Variants in YBX3 observed in about 807,000 individuals in gnomAD.
YBX3 encodes the protein Y-box-binding protein 3.
Under a neutral mutation model 42.4 loss-of-function variants are expected in YBX3, and 29 were observed. That is an observed-to-expected ratio of 0.68 (90% CI 0.51 to 0.93). The LOEUF (loss-of-function observed/expected upper bound fraction) is 0.93, where lower values mean the gene tolerates loss of function less well. YBX3 is among the 40% of genes least tolerant of loss of function. The pLI is 0.00. For missense variants in YBX3, 517 were observed against 527.5 expected (o/e 0.98, Z 0.19); for synonymous variants, 195 against 189.8 (o/e 1.03, Z -0.22).
chr12:10,711,737 A>C (rs1948202869), intron 5 of YBX3: 2 of 152,248 alleles, frequency 1.3e-5, no homozygotes, highest in Non-Finnish European at 2.9e-5. Flanking sequence ...TAAGAGTTTT[A>C]ACAATTTTGT....
At chr12:10,704,782 T>C (rs1366455536) in intron 6 of YBX3, among the ~76,000 whole-genome samples, 1 of 152,208 alleles carries the variant, frequency 6.6e-6, no homozygotes, top group Non-Finnish European at 1.5e-5. Context: ...CCTGGGTAAG[T>C]GGTCCAAGTT....
At chr12:10,709,522 A>T (rs893688283) in intron 6 of YBX3, among the ~76,000 whole-genome samples, 1 of 152,216 alleles carries the variant, frequency 6.6e-6, no homozygotes, top group Non-Finnish European at 1.5e-5. Context: ...CACTTAATGG[A>T]TGAACTTAAT....
intron 6 of YBX3, among the ~76,000 whole-genome samples, chr12:10,704,929 C>T (rs1053487625): frequency 3.9e-5 from 6 of 152,166 alleles, no homozygotes; most frequent in Non-Finnish European, 8.8e-5. Flanking sequence ...CCATCCTTTT[C>T]AATTTTTTAA....
At chr12:10,710,815 C>G in intron 5 of YBX3, 1 of 189,046 alleles carries the variant, frequency 5.3e-6, no homozygotes, top group Non-Finnish European at 1.1e-5. Context: ...CAATACCACT[C>G]TTTTCAATTT....
chr12:10,723,008 G>A lies in YBX3; in HGVS notation c.104C>T (p.Pro35Leu), dbSNP rs1948350864. 4.1e-6 allele frequency: 5 copies of A among 1,208,168 alleles called. No individual in the cohort carries two copies. Among genetic ancestry groups the A allele is most frequent in the East Asian group, 3.5e-5 (1 of 28,770 alleles). The allele number at this position is 1,208,168 out of a possible 1,614,324, so 74.8% of individuals were successfully genotyped here. Residue 35 changes from proline to leucine, a missense_variant, in exon 1 of 10, where the codon CCG becomes CTG. By Grantham distance (98) the Pro-to-Leu change is moderately conservative (BLOSUM62 -3). This residue lies in a region of YBX3 where 86 missense variants were observed against 82.5 expected (regional missense o/e 1.04). Transcript: ENST00000228251. ...GGCCTGGGGCGCACCGCTGCCCACC[G>A]GGCTCTTGGGCGCGGGGTCCTGGGG... ...AAPQDPAPKS[P>L]VGSGAPQAAA...
intron 4 of YBX3, among the ~76,000 whole-genome samples, 179 bp downstream of exon 4, chr12:10,715,515 C>T (rs1948250732): frequency 6.6e-6 from 1 of 151,898 alleles, no homozygotes; most frequent in Admixed American, 6.6e-5. Context: ...CACTGCACTC[C>T]AGCCTGGGCA....
rs141247612 is a variant in YBX3, at chr12:10,712,042, G to C, written c.573+1169C>G. The stretch of plus-strand genomic sequence containing the variant: ...TAAGCAAAAACAAAGAAACAAGTGG[G>C]AAGTCCTAAGGAATCTGACAGAATT... On this transcript the variant is annotated intron_variant, in intron 5 of 9. Coordinates refer to ENST00000228251, the MANE Select transcript of YBX3 (RefSeq NM_003651.5). The C allele has an allele frequency of 1.5e-3, 221 of 152,306 alleles. 1 individual carries two copies. Among genetic ancestry groups the C allele is most frequent in the African/African-American group, 5.1e-3 (213 of 41,558 alleles). The allele number at this position is 152,306 out of a possible 1,614,324, so 9.4% of individuals were successfully genotyped here.
At chr12:10,710,616 T>A (rs771782894) in intron 5 of YBX3, 47 of 1,245,552 alleles carry the variant, frequency 3.8e-5, no homozygotes, top group Admixed American at 2.2e-4. Flanking sequence ...GTCAGCGAGG[T>A]CAAACTATTG....
intron 6 of YBX3, among the ~76,000 whole-genome samples, chr12:10,709,292 T>C (rs1948171751): frequency 6.6e-6 from 1 of 152,204 alleles, no homozygotes; most frequent in African/African-American, 2.4e-5. Flanking sequence ...TAAGGTTTAT[T>C]AAGCACAAAA....
rs775777143 is a variant in YBX3, at chr12:10,701,263, G to C, written c.*25C>G. Reference sequence around the variant, plus strand: ...CTGCCCCAGCTCTTACCTGCCGATGGTGAAGGTGCCTGAGGAGCCTGGTGT... The same window carrying C: ...CTGCCCCAGCTCTTACCTGCCGATGCTGAAGGTGCCTGAGGAGCCTGGTGT... On this transcript the variant is annotated 3_prime_UTR_variant, in exon 9 of 10. Coordinates refer to ENST00000228251, the MANE Select transcript of YBX3 (RefSeq NM_003651.5). 2.6e-6 allele frequency: 2 copies of C among 779,082 alleles called. No homozygotes were observed. The highest frequency in any genetic ancestry group is 4.8e-6 in the Non-Finnish European group (2 of 417,848). The allele number at this position is 779,082 out of a possible 1,614,324, so 48.3% of individuals were successfully genotyped here.
Position 10,722,908 on chromosome 12 carries a change from C to G in YBX3, c.204G>C (p.Ala68=), listed in dbSNP as rs1591586844. 5.6e-6 allele frequency: 8 copies of G among 1,432,310 alleles called. No homozygotes were observed. The African/African-American group carries it at 5.9e-5, about 11-fold the overall frequency. 88.7% of individuals were successfully genotyped at this position (1,432,310 alleles called of 1,614,324 possible). A position where few individuals can be genotyped will look rare whatever the true frequency, so the allele number is the denominator to read the frequency against. ...GDAAPAATGT[A]AAASLATAAG... Reference sequence around the variant, plus strand: ...CGGCGGTGGCTAAAGAGGCGGCGGCCGCGGTGCCCGTGGCTGCGGGGGCCG... The same window carrying G: ...CGGCGGTGGCTAAAGAGGCGGCGGCGGCGGTGCCCGTGGCTGCGGGGGCCG... The change falls in exon 1 of 10, where the codon GCG becomes GCC. Residue 68 remains alanine, a synonymous_variant. Transcript: ENST00000228251.
chr12:10,707,902 A>T (rs538440961), intron 6 of YBX3, among the ~76,000 whole-genome samples: 1 of 152,382 alleles, frequency 6.6e-6, no homozygotes, highest in East Asian at 1.9e-4. Context: ...AAAGGATGAG[A>T]GTCTGCCAGA....
Position 10,709,990 on chromosome 12 carries a change from C to G in YBX3, c.698G>C (p.Arg233Pro), listed in dbSNP as rs145107056. ...GTGGTAAGGCGGGAACCGCCGCTGC[C>G]GGTACTGAGGGCGATACTGGGGGCG... ...LRRPQYRPQY[R>P]QRRFPPYHVG... The change falls in exon 6 of 10, where the codon CGG (arginine) becomes CCG (proline). Residue 233 changes from arginine to proline, a missense_variant. Coordinates refer to ENST00000228251, the MANE Select transcript of YBX3 (RefSeq NM_003651.5). 1 of 1,614,168 alleles carries G rather than the reference C, an allele frequency of 6.2e-7. No homozygotes were observed. The highest frequency in any genetic ancestry group is 8.5e-7 in the Non-Finnish European group (1 of 1,179,998).
At chr12:10,704,418 C>A (rs970257946) in intron 6 of YBX3, 2 of 304,970 alleles carry the variant, frequency 6.6e-6, no homozygotes, top group Non-Finnish European at 6.0e-6. Context: ...ATTTTGAAAT[C>A]GGATACATTT....
chr12:10,702,498 A>G (rs953705453), intron 7 of YBX3: 3 of 156,976 alleles, frequency 1.9e-5, no homozygotes, highest in African/African-American at 7.2e-5. Flanking sequence ...CCTGGGTGAC[A>G]GAGGGAGACT....
chr12:10,713,114 A>C, intron 5 of YBX3, 97 bp downstream of exon 5: 1 of 1,313,384 alleles, frequency 7.6e-7, no homozygotes, highest in African/African-American at 1.5e-5. Flanking sequence ...ATTTGTCTCC[A>C]GGAGAAGACA....
At chr12:10,711,271 T>C (rs1389295164) in intron 5 of YBX3, 4 of 152,174 alleles carry the variant, frequency 2.6e-5, no homozygotes, top group African/African-American at 9.7e-5. Context: ...ATGTCTTTAA[T>C]GGGAAGTAAC....
At chr12:10,718,058 A>G (rs1447489104) in intron 3 of YBX3, 30 bp downstream of exon 3, 1 of 1,590,150 alleles carries the variant, frequency 6.3e-7, no homozygotes, top group South Asian at 1.2e-5. Context: ...CTCCTCACAT[A>G]GCAAATGTAG....
At chr12:10,701,190 G>C (rs1461751084) in intron 9 of YBX3, 64 bp downstream of exon 9, 3 of 746,478 alleles carry the variant, frequency 4.0e-6, no homozygotes, top group Non-Finnish European at 7.4e-6. Context: ...TTGTACTCTT[G>C]TTGAGAAACC....
Sources: gnomAD v4.1 joint callset for allele counts (sites outside exome capture counted in the v4.1 genomes callset) on GRCh38, gnomAD v4.1.1 for gene constraint, gnomAD v4.1.1 regional missense constraint, MANE v1.5 for transcripts, NCBI Gene and HGNC (gene_info 2026-07-23, HGNC 2026-07-21) for gene names.